Variants in WWC2 observed in about 807,000 individuals in gnomAD.
WWC2 encodes the protein protein WWC2.
Under a neutral mutation model 138.5 loss-of-function variants are expected in WWC2, and 101 were observed. The ratio of observed to expected loss-of-function variants is 0.73; its 90% confidence interval spans 0.62 to 0.86. WWC2 has a LOEUF of 0.86. WWC2 is among the 40% of genes least tolerant of loss of function. The probability of loss-of-function intolerance (pLI) is 0.00; values close to 1 mark genes in which losing one functional copy is unlikely to be tolerated. For synonymous variants in WWC2, 558 were observed against 538.4 expected, an observed-to-expected ratio of 1.04 and a Z score of -0.50; for missense variants, 1,420 against 1,419.4, an observed-to-expected ratio of 1.00 and a Z score of -0.01.
intron 1 of WWC2, among the ~76,000 whole-genome samples, chr4:183,122,678 C>G (rs1732638498): frequency 6.6e-6 from 1 of 152,104 alleles, no homozygotes; most frequent in African/African-American, 2.4e-5. Context: ...CACCACCACC[C>G]CTAGCTAATT....
intron 4 of WWC2, among the ~76,000 whole-genome samples, chr4:183,214,023 T>C (rs1735680388): frequency 6.6e-6 from 1 of 152,150 alleles, no homozygotes; most frequent in East Asian, 1.9e-4. Context: ...ACATTTTTAC[T>C]ATTGTTAAGC....
chr4:183,271,947 A>G (rs544478329), intron 16 of WWC2, among the ~76,000 whole-genome samples: 1 of 152,288 alleles, frequency 6.6e-6, no homozygotes, highest in African/African-American at 2.4e-5. Flanking sequence ...TTGAAGCTGC[A>G]GTGAGCCATG....
chr4:183,217,369 T>C (rs1042747152), intron 4 of WWC2, among the ~76,000 whole-genome samples: 13 of 152,194 alleles, frequency 8.5e-5, no homozygotes, highest in Admixed American at 2.0e-4. Flanking sequence ...TCAACACTTA[T>C]GTATGTAGTT....
At position 183,254,071 on chromosome 4, in the gene WWC2, G is replaced by A. The variant is rs1382909633; in HGVS notation, c.1196+72G>A. 3 of 1,543,512 alleles carry A rather than the reference G, an allele frequency of 1.9e-6. No individual in the cohort carries two copies. In the African/African-American group the frequency reaches 4.2e-5, roughly 21 times the overall value. ...GTCTTAACTGGATACTATTTTCCCT[G>A]GGTTTGGAAATCTCAATTGCATCTG... On this transcript the variant is annotated intron_variant, in intron 9 of 22. Coordinates refer to ENST00000403733, the MANE Select transcript of WWC2 (RefSeq NM_024949.6).
chr4:183,292,460 A>G (rs948635518), intron 21 of WWC2, among the ~76,000 whole-genome samples: 8 of 152,098 alleles, frequency 5.3e-5, no homozygotes, highest in Admixed American at 5.2e-4. Context: ...AGTTATGATC[A>G]CCCCACTGAA....
chr4:183,297,178 G>A (rs985493463), intron 21 of WWC2, among the ~76,000 whole-genome samples: 2 of 151,802 alleles, frequency 1.3e-5, no homozygotes, highest in African/African-American at 4.8e-5. Flanking sequence ...TCACTGTATT[G>A]CCCAGGCTGG....
At chr4:183,191,011 A>G (rs1053764924) in intron 1 of WWC2, among the ~76,000 whole-genome samples, 19 of 151,936 alleles carry the variant, frequency 1.3e-4, no homozygotes, top group African/African-American at 4.6e-4. Context: ...TTTCTTTAGG[A>G]TGCATGTGCC....
At chr4:183,109,406 G>A (rs1173368769) in intron 1 of WWC2, among the ~76,000 whole-genome samples, 1 of 152,170 alleles carries the variant, frequency 6.6e-6, no homozygotes, top group African/African-American at 2.4e-5. Flanking sequence ...TTTTATGCCA[G>A]CAGTCCCCAA....
chr4:183,198,753 A>G (rs1345189411), intron 2 of WWC2, among the ~76,000 whole-genome samples: 2 of 128,216 alleles, frequency 1.6e-5, no homozygotes, highest in African/African-American at 2.9e-5. Context: ...TAAGAGCTCA[A>G]GGCCAGTCTT....
chr4:183,238,985 G>A (rs964701907), intron 4 of WWC2, among the ~76,000 whole-genome samples: 5 of 152,134 alleles, frequency 3.3e-5, no homozygotes, highest in Non-Finnish European at 7.4e-5. Context: ...AAGTTCAAAA[G>A]CACTCTAAAA....
In WWC2 at chr4:183,186,854, G is replaced by A. The variant is rs939862451; in HGVS notation, c.132-6745G>A. On this transcript the variant is annotated intron_variant, in intron 1 of 22. Coordinates refer to ENST00000403733, the MANE Select transcript of WWC2 (RefSeq NM_024949.6). ...GACAAAACTCATGCCAGCTGTAGGA[G>A]GACCAGACCTAGGACCAACAGAGGG... Among the ~76,000 whole-genome samples the A allele has an allele frequency of 4.3e-4, 65 of 152,148 alleles. 1 individual carries two copies. Among genetic ancestry groups the A allele is most frequent in the Non-Finnish European group, 8.2e-4 (56 of 68,034 alleles).
rs540060727 is a variant in WWC2 at position 183,247,775 on chromosome 4, CTA to C, written c.733-929_733-928del. Among the ~76,000 whole-genome samples the C allele has an allele frequency of 1.1e-3, 147 of 131,612 alleles. 1 individual carries two copies. In the East Asian group the frequency reaches 0.021, roughly 19 times the overall value. 86.3% of individuals were successfully genotyped at this position (131,612 alleles called of 152,430 possible). ...ACATAATATATATATAATATATATACTATATATATATTATATATATAGTATAT... is the reference window on the plus strand; with the variant it reads ...ACATAATATATATATAATATATATACTATATATATTATATATATAGTATAT... On this transcript the variant is annotated intron_variant, in intron 6 of 22. Coordinates refer to ENST00000403733, the MANE Select transcript of WWC2 (RefSeq NM_024949.6).
chr4:183,129,372 C>T (rs538084538), intron 1 of WWC2, among the ~76,000 whole-genome samples: 3 of 152,096 alleles, frequency 2.0e-5, no homozygotes, highest in South Asian at 2.1e-4. Flanking sequence ...CTATACTTAT[C>T]CTGGGATGAT....
chr4:183,108,146 T>C (rs1036133484), intron 1 of WWC2, among the ~76,000 whole-genome samples: 1 of 152,206 alleles, frequency 6.6e-6, no homozygotes, highest in Non-Finnish European at 1.5e-5. Flanking sequence ...TAAAGGCTTT[T>C]CCTTTTAGCT....
intron 1 of WWC2, among the ~76,000 whole-genome samples, chr4:183,127,812 A>G (rs1732805158): frequency 6.6e-6 from 1 of 152,194 alleles, no homozygotes; most frequent in South Asian, 2.1e-4. Flanking sequence ...AATTGAAAAC[A>G]TATATATGTA....
At chr4:183,194,719 C>T (rs978038284) in intron 2 of WWC2, among the ~76,000 whole-genome samples, 2 of 152,060 alleles carry the variant, frequency 1.3e-5, no homozygotes, top group African/African-American at 4.8e-5. Flanking sequence ...CTGTGAGGCA[C>T]CATCTTCCAG....
chr4:183,106,133 G>A (rs935837553), intron 1 of WWC2, among the ~76,000 whole-genome samples: 2 of 150,178 alleles, frequency 1.3e-5, no homozygotes, highest in South Asian at 4.5e-4. Context: ...ATAGGCTCTC[G>A]CCACCACGCC....
intron 7 of WWC2, among the ~76,000 whole-genome samples, chr4:183,249,238 A>G (rs1736897949): frequency 6.6e-6 from 1 of 152,226 alleles, no homozygotes; most frequent in Admixed American, 6.5e-5. Context: ...TTTAAGACTA[A>G]TAAGAAAACT....
intron 1 of WWC2, among the ~76,000 whole-genome samples, chr4:183,171,698 T>C (rs1734285962): frequency 6.6e-6 from 1 of 152,194 alleles, no homozygotes; most frequent in South Asian, 2.1e-4. Context: ...GACCCACTAC[T>C]CTCCCCCACA....
Sources: gnomAD v4.1 joint callset for allele counts (sites outside exome capture counted in the v4.1 genomes callset) on GRCh38, gnomAD v4.1.1 for gene constraint, MANE v1.5 for transcripts, NCBI Gene and HGNC (gene_info 2026-07-23, HGNC 2026-07-21) for gene names.